PDE1A: variants seen among roughly 807,000 people sequenced by gnomAD.
PDE1A encodes the protein dual specificity calcium/calmodulin-dependent 3',5'-cyclic nucleotide phosphodiesterase 1A.
Under a neutral mutation model 61.7 loss-of-function variants are expected in PDE1A, and 35 were observed. That is an observed-to-expected ratio of 0.57 (90% CI 0.43 to 0.75). The LOEUF (loss-of-function observed/expected upper bound fraction) is 0.75, where lower values mean the gene tolerates loss of function less well. Ranked by LOEUF, PDE1A falls within the 30% of genes least tolerant of loss-of-function variation. PDE1A has a pLI of 0.00. For missense variants in PDE1A, 597 were observed against 630.6 expected (o/e 0.95, Z 0.57); for synonymous variants, 232 against 213.2 (o/e 1.09, Z -0.77).
chr2:182,335,008 A>C lies in PDE1A; in HGVS notation c.54-70594T>G, dbSNP rs149647498. Among the ~76,000 whole-genome samples the C allele has an allele frequency of 1.7e-3, 260 of 152,350 alleles. 5 individuals carry two copies. The East Asian group carries it at 0.028, about 17-fold the overall frequency. Reference sequence around the variant, plus strand: ...TAGACAAACAGAGAGCCAAATCATGAGTGAACCCCCATTTACAATTTCTAC... The same window carrying C: ...TAGACAAACAGAGAGCCAAATCATGCGTGAACCCCCATTTACAATTTCTAC... On this transcript the variant is annotated intron_variant, in intron 1 of 13. Transcript: ENST00000351439.
chr2:182,548,688 A>T, the PDE1A span, among the ~76,000 whole-genome samples: 2 of 152,224 alleles, frequency 1.3e-5, no homozygotes, highest in Middle Eastern at 3.4e-3. Flanking sequence ...CTAAACCCTT[A>T]TCTGGGGTAG....
intron 1 of PDE1A, among the ~76,000 whole-genome samples, chr2:182,345,482 T>C (rs968755684): frequency 3.9e-5 from 6 of 152,188 alleles, no homozygotes; most frequent in African/African-American, 1.2e-4. Context: ...AAACCATCCA[T>C]GTTTCCCTAT....
At chr2:182,602,048 C>T in the PDE1A span, among the ~76,000 whole-genome samples, 6 of 152,248 alleles carry the variant, frequency 3.9e-5, no homozygotes, top group African/African-American at 1.4e-4. Flanking sequence ...CAGGAATCTG[C>T]CTGCCTCCTG....
chr2:182,356,987 C>T (rs1348460439), intron 1 of PDE1A, among the ~76,000 whole-genome samples: 1 of 151,920 alleles, frequency 6.6e-6, no homozygotes, highest in East Asian at 1.9e-4. Flanking sequence ...ACAATGAGAA[C>T]ACTTGGACAC....
intron 10 of PDE1A, among the ~76,000 whole-genome samples, chr2:182,191,571 G>C (rs1194128002): frequency 2.0e-5 from 3 of 151,866 alleles, no homozygotes; most frequent in Non-Finnish European, 4.4e-5. Flanking sequence ...AAAATTGTCA[G>C]TAGTCTTAGA....
the PDE1A span, among the ~76,000 whole-genome samples, chr2:182,540,400 AGCAGCAG>A: frequency 6.7e-6 from 1 of 150,092 alleles, no homozygotes; most frequent in African/African-American, 2.4e-5. Context: ...CAGCAGCAGC[AGCAGCAG>A]CAGCAGCAGG....
chr2:182,672,169 T>A, the PDE1A span, among the ~76,000 whole-genome samples: 1 of 152,230 alleles, frequency 6.6e-6, no homozygotes, highest in Non-Finnish European at 1.5e-5. Context: ...TTTAAAATAC[T>A]GGCTAGTTAA....
chr2:182,386,520 G>T (rs953706836), intron 1 of PDE1A, among the ~76,000 whole-genome samples: 1 of 147,620 alleles, frequency 6.8e-6, no homozygotes, highest in South Asian at 2.2e-4. Context: ...GGTGAGGAAC[G>T]TCTCTGCCCG....
chr2:182,238,277 A>AAAAAAAAAAAAG lies in PDE1A; in HGVS notation c.350+1832_350+1833insCTTTTTTTTTTT, dbSNP rs1199781414. On this transcript the variant is annotated intron_variant, in intron 3 of 13. Transcript: ENST00000351439. ...GAGCCAGACTACGTCAAAAAAAAAA[A>AAAAAAAAAAAAG]AAAAAGAAAAAGAAAAAGAAAAGAA... Among the ~76,000 whole-genome samples the AAAAAAAAAAAAG allele has an allele frequency of 2.1e-3, 313 of 150,750 alleles. 2 individuals are homozygous for AAAAAAAAAAAAG. The highest frequency in any genetic ancestry group is 7.2e-3 in the African/African-American group (292 of 40,678).
intron 1 of PDE1A, among the ~76,000 whole-genome samples, chr2:182,358,931 T>TC (rs1478381053): frequency 6.6e-6 from 1 of 152,070 alleles, no homozygotes; most frequent in Non-Finnish European, 1.5e-5. Context: ...GCTTGTCCTT[T>TC]CATCTTCCTT....
intron 2 of PDE1A, among the ~76,000 whole-genome samples, chr2:182,452,694 A>T (rs1358575131): frequency 6.6e-6 from 1 of 152,140 alleles, no homozygotes; most frequent in Non-Finnish European, 1.5e-5. Flanking sequence ...AACTTGCCTC[A>T]TGTTTCACAG....
rs147524090 is a variant in PDE1A at position 182,438,878 on chromosome 2, A to G, written c.101+83398T>C. 1.1e-3 allele frequency among the ~76,000 whole-genome samples: 170 copies of G among 152,134 alleles called. 2 individuals carry two copies. In the East Asian group the frequency reaches 0.023, roughly 20 times the overall value. On this transcript the variant is annotated intron_variant, in intron 2 of 14. Coordinates refer to the PDE1A transcript ENST00000410103. ...GCAGTTTTGGAAGATGTCACTGAAC[A>G]ATGTAGAAAATATTTTTTAGGATTA...
At chr2:182,249,377 C>T (rs1691224785) in intron 2 of PDE1A, among the ~76,000 whole-genome samples, 1 of 152,126 alleles carries the variant, frequency 6.6e-6, no homozygotes, top group Non-Finnish European at 1.5e-5. Context: ...TTCCAGGGTC[C>T]TACAGTATCT....
chr2:182,568,282 T>C, the PDE1A span, among the ~76,000 whole-genome samples: 70 of 152,346 alleles, frequency 4.6e-4, no homozygotes, highest in African/African-American at 1.7e-3. Flanking sequence ...ACATTTTTCA[T>C]TGAACTCATA....
intron 2 of PDE1A, among the ~76,000 whole-genome samples, chr2:182,515,354 T>G (rs1214784059): frequency 7.9e-5 from 12 of 152,194 alleles, no homozygotes; most frequent in African/African-American, 2.9e-4. Flanking sequence ...ATTGAATGAG[T>G]AAATGAATGA....
At chr2:182,215,488 GA>G (rs957073376) in intron 7 of PDE1A, among the ~76,000 whole-genome samples, 18 of 151,120 alleles carry the variant, frequency 1.2e-4, no homozygotes, top group Non-Finnish European at 2.5e-4. Context: ...CTGGTTTTTT[GA>G]AAGGATCAAC....
At chr2:182,478,368 A>G (rs1303651097) in intron 2 of PDE1A, among the ~76,000 whole-genome samples, 1 of 151,700 alleles carries the variant, frequency 6.6e-6, no homozygotes, top group African/African-American at 2.4e-5. Flanking sequence ...ATAGTGCTCT[A>G]TCATTCTCTT....
chr2:182,364,576 G>C (rs1366984120), intron 1 of PDE1A, among the ~76,000 whole-genome samples: 2 of 142,730 alleles, frequency 1.4e-5, no homozygotes, highest in African/African-American at 2.6e-5. Context: ...TTTCAGGACA[G>C]CATAGCATTA....
the PDE1A span, among the ~76,000 whole-genome samples, chr2:182,615,033 C>T: frequency 3.3e-5 from 5 of 152,158 alleles, no homozygotes; most frequent in Admixed American, 3.3e-4. Flanking sequence ...CAGAATATTT[C>T]ATAAATTAGA....
Sources: gnomAD v4.1 joint callset for allele counts (sites outside exome capture counted in the v4.1 genomes callset) on GRCh38, gnomAD v4.1.1 for gene constraint, MANE v1.5 for transcripts, NCBI Gene and HGNC (gene_info 2026-07-23, HGNC 2026-07-21) for gene names.